GCH1: variants seen among roughly 807,000 people sequenced by gnomAD.
GCH1 encodes GTP cyclohydrolase 1.
A neutral mutation model predicts 25.9 loss-of-function variants in GCH1; 5 were observed. The ratio of observed to expected loss-of-function variants is 0.19; its 90% CI spans 0.10 to 0.41. GCH1 has a LOEUF of 0.41. GCH1 is among the 10% of genes least tolerant of loss of function. The pLI is 1.00. For missense variants in GCH1, 261 were observed against 336.5 expected, an observed-to-expected ratio of 0.78 and a Z score of 1.75; for synonymous variants, 159 against 129.6, an observed-to-expected ratio of 1.23 and a Z score of -1.54.
intron 4 of GCH1, among the ~76,000 whole-genome samples, chr14:54,846,630 G>A (rs903784895): frequency 2.6e-5 from 4 of 152,204 alleles, no homozygotes; most frequent in Admixed American, 2.0e-4. Flanking sequence ...AAATGTGAAG[G>A]AATGTGCAAA....
At chr14:54,859,599 A>G in intron 3 of GCH1, 82 bp downstream of exon 3, 1 of 830,018 alleles carries the variant, frequency 1.2e-6, no homozygotes, top group South Asian at 1.3e-5. Context: ...GTAAAGAGAG[A>G]AAGCCTGATG....
intron 1 of GCH1, among the ~76,000 whole-genome samples, chr14:54,888,898 T>C (rs1476449362): frequency 1.3e-5 from 2 of 152,128 alleles, no homozygotes; most frequent in South Asian, 2.1e-4. Flanking sequence ...ATGCTAAATA[T>C]GAAGCTGAAA....
chr14:54,859,129 G>C, intron 3 of GCH1: 1 of 158,928 alleles, frequency 6.3e-6, no homozygotes, highest in Non-Finnish European at 1.4e-5. Context: ...GGACCCCTGA[G>C]ATATGCCTGG....
intron 5 of GCH1, 135 bp from the exon 6 acceptor site, chr14:54,844,278 A>G (rs959314540): frequency 1.0e-5 from 8 of 762,988 alleles, no homozygotes; most frequent in African/African-American, 6.8e-5. Flanking sequence ...CACAAATGTT[A>G]TCTATTAGGT....
At chr14:54,846,727 G>A (rs962936842) in intron 4 of GCH1, among the ~76,000 whole-genome samples, 2 of 152,218 alleles carry the variant, frequency 1.3e-5, no homozygotes, top group South Asian at 2.1e-4. Flanking sequence ...CATACTTATC[G>A]CACTAGTAAT....
At chr14:54,883,971 A>C (rs2040311459) in intron 1 of GCH1, among the ~76,000 whole-genome samples, 1 of 152,238 alleles carries the variant, frequency 6.6e-6, no homozygotes, top group South Asian at 2.1e-4. Flanking sequence ...TGAGGACCTC[A>C]CATCAGAAAG....
intron 1 of GCH1, among the ~76,000 whole-genome samples, chr14:54,884,544 C>A (rs756218194): frequency 6.6e-6 from 1 of 151,894 alleles, no homozygotes; most frequent in African/African-American, 2.4e-5. Flanking sequence ...CCAAGGCAGG[C>A]GTATCATTTG....
intron 1 of GCH1, chr14:54,885,499 T>C (rs937250593): frequency 6.5e-6 from 2 of 306,952 alleles, no homozygotes; most frequent in Non-Finnish European, 6.4e-6. Flanking sequence ...CATAGCATCA[T>C]TGATGGCATC....
chr14:54,864,657 A>G (rs896666184), intron 2 of GCH1, among the ~76,000 whole-genome samples: 1 of 152,202 alleles, frequency 6.6e-6, no homozygotes, highest in Non-Finnish European at 1.5e-5. Context: ...TCTCTATTGA[A>G]AAGAGAATAG....
chr14:54,885,959 G>T, intron 1 of GCH1: 1 of 254,702 alleles, frequency 3.9e-6, no homozygotes, highest in South Asian at 4.6e-5. Context: ...AGCCCAGACA[G>T]GACCTGCTGG....
chr14:54,878,171 A>G (rs769408490), intron 1 of GCH1: 2 of 154,680 alleles, frequency 1.3e-5, no homozygotes, highest in Non-Finnish European at 2.9e-5. Flanking sequence ...TTTCTGTCCA[A>G]TGGAGTTCCC....
intron 1 of GCH1, among the ~76,000 whole-genome samples, chr14:54,868,038 G>A (rs1485267683): frequency 6.6e-6 from 1 of 152,112 alleles, no homozygotes; most frequent in Non-Finnish European, 1.5e-5. Flanking sequence ...CATCACCTCT[G>A]CGGTATTCTT....
chr14:54,899,344 C>T (rs967402325), intron 1 of GCH1, among the ~76,000 whole-genome samples: 9 of 152,028 alleles, frequency 5.9e-5, no homozygotes, highest in African/African-American at 1.7e-4. Flanking sequence ...GCCTGTAGTT[C>T]CAGCTATTCA....
chr14:54,855,468 T>C (rs2140056671), intron 3 of GCH1, among the ~76,000 whole-genome samples: 1 of 129,382 alleles, frequency 7.7e-6, no homozygotes, highest in African/African-American at 3.1e-5. Context: ...ATAGTGCCAC[T>C]GCACTCCAGC....
intron 1 of GCH1, among the ~76,000 whole-genome samples, chr14:54,866,203 C>T (rs1054843996): frequency 1.3e-5 from 2 of 151,922 alleles, no homozygotes; most frequent in African/African-American, 4.8e-5. Flanking sequence ...TCAGATGATG[C>T]CTGAGAGCAC....
At chr14:54,875,425 T>C (rs1480251848) in intron 1 of GCH1, among the ~76,000 whole-genome samples, 1 of 152,180 alleles carries the variant, frequency 6.6e-6, no homozygotes, top group Non-Finnish European at 1.5e-5. Flanking sequence ...AAGGACTTCA[T>C]GTCTAAAACA....
chr14:54,863,327 TGA>T (rs1211171006), intron 2 of GCH1, among the ~76,000 whole-genome samples: 1 of 137,926 alleles, frequency 7.3e-6, no homozygotes, highest in Non-Finnish European at 1.5e-5. Flanking sequence ...GAGGCTGAGG[TGA>T]GAGAATGGCG....
At chr14:54,880,181 G>A (rs1397551055) in intron 1 of GCH1, among the ~76,000 whole-genome samples, 1 of 149,830 alleles carries the variant, frequency 6.7e-6, no homozygotes, top group Non-Finnish European at 1.5e-5. Flanking sequence ...CAGTATAGTG[G>A]TTACCTCTGT....
At chr14:54,860,727 G>C (rs2039883859) in intron 2 of GCH1, among the ~76,000 whole-genome samples, 1 of 152,060 alleles carries the variant, frequency 6.6e-6, no homozygotes, top group African/African-American at 2.4e-5. Flanking sequence ...TTTTAGTAGA[G>C]ATGGTGTTTC....
Sources: gnomAD v4.1 joint callset for allele counts (sites outside exome capture counted in the v4.1 genomes callset) on GRCh38, gnomAD v4.1.1 for gene constraint, MANE v1.5 for transcripts, NCBI Gene and HGNC (gene_info 2026-07-23, HGNC 2026-07-21) for gene names.